The following ANKIB1 variants were observed in gnomAD, a reference collection of about 807,000 sequenced individuals.
ANKIB1 encodes ankyrin repeat and IBR domain containing 1.
In ANKIB1, 43 loss-of-function variants were observed where a neutral mutation model predicts 122.1. The ratio of observed to expected loss-of-function variants is 0.35; its 90% CI spans 0.28 to 0.45. The LOEUF is 0.45. ANKIB1 is among the 20% of genes least tolerant of loss of function. ANKIB1 has a pLI of 1.00. For missense variants in ANKIB1, 992 were observed against 1,329.5 expected, an observed-to-expected ratio of 0.75 and a Z score of 3.95; for synonymous variants, 390 against 442.0, an observed-to-expected ratio of 0.88 and a Z score of 1.48.
intron 1 of ANKIB1, among the ~76,000 whole-genome samples, chr7:92,289,096 A>G (rs1168131626): frequency 6.6e-6 from 1 of 152,246 alleles, no homozygotes; most frequent in East Asian, 1.9e-4. Flanking sequence ...TAATTGCCCC[A>G]GCTGGAAACA....
intron 17 of ANKIB1, among the ~76,000 whole-genome samples, chr7:92,393,850 A>G (rs879275002): frequency 1.3e-5 from 2 of 152,194 alleles, no homozygotes; most frequent in South Asian, 4.1e-4. Context: ...GTGTATGACT[A>G]TCGAGTAACT....
At chr7:92,343,374 C>T in intron 6 of ANKIB1, 142 bp downstream of exon 6, 1 of 676,874 alleles carries the variant, frequency 1.5e-6, no homozygotes, top group Non-Finnish European at 2.5e-6. Flanking sequence ...TCGGTTATTT[C>T]CATGCTTCAG....
intron 5 of ANKIB1, among the ~76,000 whole-genome samples, chr7:92,341,707 T>C (rs1488009280): frequency 6.6e-6 from 1 of 152,228 alleles, no homozygotes; most frequent in African/African-American, 2.4e-5. Context: ...AGAAAAACTC[T>C]GTATATACAC....
At position 92,399,208 on chromosome 7, in the gene ANKIB1, GAAAT is replaced by G. The variant is rs1455594268; in HGVS notation, c.*266_*269del. The G allele has an allele frequency of 1.0e-5, 3 of 292,320 alleles. No homozygotes were observed. Among genetic ancestry groups the G allele is most frequent in the African/African-American group, 4.4e-5 (2 of 45,828 alleles). The allele number at this position is 292,320 out of a possible 1,614,324, so 18.1% of individuals were successfully genotyped here. ...GAGCAAGAGAAAGAGAAACAAAAAT[GAAAT>G]AAATAAGTTGTATTCCACACTCTAA... On this transcript the variant is annotated 3_prime_UTR_variant, in exon 20 of 20. Transcript: ENST00000265742.
intron 1 of ANKIB1, among the ~76,000 whole-genome samples, chr7:92,272,958 A>G (rs1801827279): frequency 6.6e-6 from 1 of 152,200 alleles, no homozygotes; most frequent in Non-Finnish European, 1.5e-5. Flanking sequence ...AATGGTAAGT[A>G]TTTGTATATT....
intron 18 of ANKIB1, among the ~76,000 whole-genome samples, chr7:92,397,192 A>G (rs1195611685): frequency 6.6e-6 from 1 of 152,190 alleles, no homozygotes; most frequent in African/African-American, 2.4e-5. Context: ...TGCAAGCAAA[A>G]GTGTAAAAAA....
Position 92,398,937 on chromosome 7 carries a change from A to G in ANKIB1, c.3258A>G (p.Val1086=), listed in dbSNP as rs373072127. 3.4e-5 allele frequency: 53 copies of G among 1,576,682 alleles called. No homozygotes were observed. Among genetic ancestry groups the G allele is most frequent in the Non-Finnish European group, 4.5e-5 (52 of 1,161,486 alleles). ...CCTCAAGTGACTGGCTTGAACAAGT[A>G]CATTTAGTGTGAACTGCACACATCT... The part of the protein sequence containing the change: ...PQTSSDWLEQ[V]HLV The change falls in exon 20 of 20, where the codon GTA becomes GTG. Residue 1086 remains valine (V), a synonymous_variant. Transcript: ENST00000265742.
chr7:92,267,591 TGAA>T (rs1266373609), intron 1 of ANKIB1, among the ~76,000 whole-genome samples: 2 of 152,260 alleles, frequency 1.3e-5, no homozygotes, highest in African/African-American at 2.4e-5. Flanking sequence ...ACTGTGATCA[TGAA>T]GATGTTCCTT....
In ANKIB1 at chr7:92,387,978, G is replaced by A; in HGVS notation, c.1843G>A (p.Glu615Lys). 1 of 1,587,078 alleles carries A rather than the reference G, an allele frequency of 6.3e-7. No homozygotes were observed. The highest frequency in any genetic ancestry group is 1.3e-5 in the African/African-American group (1 of 74,390). The stretch of plus-strand genomic sequence containing the variant: ...TTCTTTATTTCTATTCCTTTAGCTA[G>A]AACAACGCCTTCTTAAAACAGCCAA... ...FKNHEHSYQL[E>K]QRLLKTAKEK... The change falls in exon 14 of 20, where the codon GAA (glutamate) becomes AAA (lysine). Residue 615 changes from glutamate (E) to lysine (K), a missense_variant. Transcript: ENST00000265742.
Position 92,399,708 on chromosome 7 carries a change from T to C in ANKIB1, c.*759T>C, listed in dbSNP as rs1020779971. The C allele has an allele frequency of 2.6e-5, 4 of 152,218 alleles. No homozygotes were observed. The highest frequency in any genetic ancestry group is 6.5e-5 in the Admixed American group (1 of 15,272). The allele number at this position is 152,218 out of a possible 1,614,324, so 9.4% of individuals were successfully genotyped here. A position where few individuals can be genotyped will look rare whatever the true frequency, so the allele number is the denominator to read the frequency against. On this transcript the variant is annotated 3_prime_UTR_variant, in exon 20 of 20. Transcript: ENST00000265742. ...AATGGGTTTTTGTTGCCATGGAGAC[T>C]GCATTTATATAAATGTAGCCTGTAG... is the stretch of plus-strand genomic sequence containing the variant.
chr7:92,342,980 C>T, intron 5 of ANKIB1, 44 bp from the exon 6 acceptor site: 2 of 1,542,168 alleles, frequency 1.3e-6, no homozygotes, highest in South Asian at 2.2e-5. Context: ...ATAACATTAC[C>T]ATATTTTCTT....
At chr7:92,376,365 A>C (rs747584868) in intron 11 of ANKIB1, among the ~76,000 whole-genome samples, 2 of 152,084 alleles carry the variant, frequency 1.3e-5, no homozygotes, top group Non-Finnish European at 2.9e-5. Context: ...ACTTTCATCA[A>C]TGATCTTAGC....
intron 2 of ANKIB1, among the ~76,000 whole-genome samples, chr7:92,300,591 G>A (rs1420168457): frequency 6.6e-6 from 1 of 151,810 alleles, no homozygotes; most frequent in Non-Finnish European, 1.5e-5. Flanking sequence ...AATAAAAATT[G>A]TATATATTTA....
At chr7:92,355,649 A>G (rs1211774513) in intron 9 of ANKIB1, among the ~76,000 whole-genome samples, 1 of 152,030 alleles carries the variant, frequency 6.6e-6, no homozygotes, top group African/African-American at 2.4e-5. Context: ...GGAGATCGAG[A>G]CCATCCTGGG....
intron 7 of ANKIB1, chr7:92,348,119 G>T: frequency 3.1e-6 from 1 of 322,640 alleles, no homozygotes; most frequent in South Asian, 2.7e-5. Context: ...ATAATAATAT[G>T]GCCAACAGAA....
intron 17 of ANKIB1, 200 bp from the exon 18 acceptor site, chr7:92,396,165 T>G: frequency 1.8e-6 from 1 of 556,246 alleles, no homozygotes; most frequent in African/African-American, 1.9e-5. Flanking sequence ...GCAATTGTAA[T>G]GACTGTTGAA....
At chr7:92,392,219 G>A (rs779067902) in intron 16 of ANKIB1, 22 bp from the exon 17 acceptor site, 1 of 1,602,054 alleles carries the variant, frequency 6.2e-7, no homozygotes, top group Non-Finnish European at 8.5e-7. Context: ...TAAATCAAAT[G>A]GTATGTCTAA....
At chr7:92,251,576 A>T (rs1448201784) in intron 1 of ANKIB1, among the ~76,000 whole-genome samples, 1 of 152,040 alleles carries the variant, frequency 6.6e-6, no homozygotes, top group Non-Finnish European at 1.5e-5. Flanking sequence ...CTTCACCCAG[A>T]TTTCTCCTAT....
chr7:92,348,096 G>A, intron 7 of ANKIB1: 1 of 346,084 alleles, frequency 2.9e-6, no homozygotes. Context: ...ATTAAATTGT[G>A]TCTTGATGAG....
Sources: allele counts gnomAD v4.1 joint callset (sites outside exome capture counted in the v4.1 genomes callset), GRCh38; gene constraint gnomAD v4.1.1; transcripts MANE v1.5; gene names NCBI Gene and HGNC (gene_info 2026-07-23, HGNC 2026-07-21).